ESF1: variants seen among roughly 807,000 people sequenced by gnomAD.
ESF1 encodes the protein ESF1 nucleolar pre-rRNA processing protein.
Under a neutral mutation model 92.0 loss-of-function variants are expected in ESF1, and 58 were observed. The ratio of observed to expected loss-of-function variants is 0.63; its 90% CI spans 0.51 to 0.78. The LOEUF is 0.78. Among genes scored for constraint, ESF1 ranks in the 30% least tolerant of loss-of-function variants. ESF1 has a pLI of 0.00. For synonymous variants in ESF1, 321 were observed against 313.7 expected (o/e 1.02, Z -0.24); for missense variants, 922 against 989.1 (o/e 0.93, Z 0.91).
intron 9 of ESF1, among the ~76,000 whole-genome samples, chr20:13,738,285 G>T (rs1264695201): frequency 3.3e-5 from 5 of 150,770 alleles, no homozygotes; most frequent in Non-Finnish European, 7.4e-5. Context: ...ACAATTTCTT[G>T]TATGAACTTC....
In ESF1 at chr20:13,782,948, T is replaced by C. The variant is rs1980282710; in HGVS notation, c.193A>G (p.Thr65Ala). The change falls in exon 2 of 14, where the codon ACA becomes GCA. Residue 65 changes from threonine (T) to alanine (A), a missense_variant. Thr to Ala is a moderately conservative substitution (Grantham distance 58, BLOSUM62 0). Transcript: ENST00000617257. Reference sequence around the variant, plus strand: ...TCGTAAAAACGCTTCAAATCCTCTGTAGTGCTATGGCTAATGGGGCGCCCT... The same window carrying C: ...TCGTAAAAACGCTTCAAATCCTCTGCAGTGCTATGGCTAATGGGGCGCCCT... ...KRGRPISHST[T>A]EDLKRFYDLS... 1.2e-6 allele frequency: 2 copies of C among 1,614,192 alleles called. No homozygotes were observed. The highest frequency in any genetic ancestry group is 2.2e-5 in the South Asian group (2 of 91,086).
chr20:13,717,267 C>G, intron 13 of ESF1, 101 bp downstream of exon 13: 2 of 1,431,804 alleles, frequency 1.4e-6, no homozygotes, highest in South Asian at 2.6e-5. Context: ...GCCCCTAAGA[C>G]ATTTTCAAGG....
chr20:13,729,334 A>C (rs1002112681), intron 10 of ESF1, among the ~76,000 whole-genome samples: 5 of 152,264 alleles, frequency 3.3e-5, no homozygotes, highest in Non-Finnish European at 7.3e-5. Flanking sequence ...GAGAAATGGA[A>C]GTTATCAGAT....
intron 12 of ESF1, among the ~76,000 whole-genome samples, chr20:13,718,033 A>G (rs2049842250): frequency 6.6e-6 from 1 of 151,930 alleles, no homozygotes; most frequent in Non-Finnish European, 1.5e-5. Flanking sequence ...TGCTTCTGAA[A>G]TCTAGTAAAT....
At chr20:13,717,230 G>T in intron 13 of ESF1, 138 bp downstream of exon 13, 1 of 1,038,378 alleles carries the variant, frequency 9.6e-7, no homozygotes, top group Non-Finnish European at 1.4e-6. Flanking sequence ...AAAGTGTTGG[G>T]ATTATAGGCG....
chr20:13,716,024 G>T (rs2147712227), intron 13 of ESF1, among the ~76,000 whole-genome samples: 1 of 152,258 alleles, frequency 6.6e-6, no homozygotes, highest in South Asian at 2.1e-4. Flanking sequence ...AACCTAACTG[G>T]AATGGGAGCA....
chr20:13,749,232 A>ATTTTTTTTTTTTTTT (rs71188184), intron 9 of ESF1, among the ~76,000 whole-genome samples: 1 of 89,664 alleles, frequency 1.1e-5, no homozygotes, highest in African/African-American at 4.2e-5. Context: ...TGCCCGGCTA[A>ATTTTTTTTTTTTTTT]TTTTTTTTTT....
At chr20:13,748,584 A>C (rs1255428561) in intron 9 of ESF1, among the ~76,000 whole-genome samples, 1 of 68,192 alleles carries the variant, frequency 1.5e-5, no homozygotes. Context: ...GTATATATAT[A>C]TATATATATT....
chr20:13,738,317 C>CTTT (rs33948226), intron 9 of ESF1, among the ~76,000 whole-genome samples: 3 of 144,580 alleles, frequency 2.1e-5, no homozygotes, highest in Admixed American at 6.9e-5. Context: ...CTCTCCTAAA[C>CTTT]TTTTTTTTTT....
chr20:13,723,731 T>G (rs139572928), intron 11 of ESF1, among the ~76,000 whole-genome samples: 57 of 152,262 alleles, frequency 3.7e-4, no homozygotes, highest in Non-Finnish European at 6.5e-4. Context: ...ATGTTATAAA[T>G]GTACCCAAGT....
At chr20:13,721,017 G>C (rs945241612) in intron 11 of ESF1, among the ~76,000 whole-genome samples, 1 of 152,184 alleles carries the variant, frequency 6.6e-6, no homozygotes, top group Non-Finnish European at 1.5e-5. Flanking sequence ...CAGCTACTAG[G>C]GAGGCTGAGG....
chr20:13,738,136 G>A (rs968488847), intron 9 of ESF1, among the ~76,000 whole-genome samples: 8 of 152,184 alleles, frequency 5.3e-5, no homozygotes, highest in African/African-American at 1.7e-4. Flanking sequence ...TCTTTGCCAG[G>A]GCCATTTTTT....
intron 9 of ESF1, among the ~76,000 whole-genome samples, chr20:13,748,439 C>CATATACACATATATAT (rs1568717999): frequency 1.2e-4 from 4 of 34,374 alleles, no homozygotes; most frequent in South Asian, 3.2e-3. Context: ...CATATATATA[C>CATATACACATATATAT]ACATATATAC....
intron 2 of ESF1, among the ~76,000 whole-genome samples, chr20:13,779,140 ATG>A (rs1287349231): frequency 2.6e-5 from 4 of 152,144 alleles, no homozygotes; most frequent in Non-Finnish European, 5.9e-5. Context: ...ACAAATATAA[ATG>A]TCTCTATTCC....
chr20:13,741,475 C>T (rs1213618180), intron 9 of ESF1, among the ~76,000 whole-genome samples: 1 of 152,076 alleles, frequency 6.6e-6, no homozygotes, highest in African/African-American at 2.4e-5. Flanking sequence ...ACCAGTAAAA[C>T]ACAGAGCCAA....
At chr20:13,745,350 A>C (rs144404084) in intron 9 of ESF1, among the ~76,000 whole-genome samples, 1 of 152,372 alleles carries the variant, frequency 6.6e-6, no homozygotes, top group East Asian at 1.9e-4. Context: ...GAACAGATAC[A>C]TTGTGATAAG....
chr20:13,764,611 A>G (rs553262905), intron 8 of ESF1, among the ~76,000 whole-genome samples: 2 of 152,334 alleles, frequency 1.3e-5, no homozygotes, highest in East Asian at 1.9e-4. Context: ...TTTGTATGTT[A>G]TATGTATTAT....
rs2049897946 is a variant in ESF1 at position 13,725,920 on chromosome 20, CTTA to C, written c.2038+2455_2038+2457del. ...GTATTTACTTTGCTTCCCACTCAAA[CTTA>C]TTGTTTCCACATTTCTTCCTCAGTA... On this transcript the variant is annotated intron_variant, in intron 11 of 13. Transcript: ENST00000617257. Among the ~76,000 whole-genome samples, 6 of 152,316 alleles carry C rather than the reference CTTA, an allele frequency of 3.9e-5. No individual in the cohort carries two copies. The South Asian group carries it at 1.2e-3, about 32-fold the overall frequency.
At chr20:13,759,925 C>T (rs2147761490) in intron 8 of ESF1, 72 bp from the exon 9 acceptor site, 1 of 1,485,630 alleles carries the variant, frequency 6.7e-7, no homozygotes, top group Non-Finnish European at 8.9e-7. Flanking sequence ...CTTATGGTCA[C>T]TCTCTTTTAA....
Sources: allele counts gnomAD v4.1 joint callset (sites outside exome capture counted in the v4.1 genomes callset), GRCh38; gene constraint gnomAD v4.1.1; transcripts MANE v1.5; gene names NCBI Gene and HGNC (gene_info 2026-07-23, HGNC 2026-07-21).